MLLT6: variants seen among roughly 807,000 people sequenced by gnomAD.
The protein encoded by MLLT6 is protein AF-17.
A neutral mutation model predicts 103.0 loss-of-function variants in MLLT6; 22 were observed. The observed-to-expected ratio is 0.21, with a 90% CI of 0.15 to 0.31. The LOEUF is 0.31. Among genes scored for constraint, MLLT6 ranks in the 10% least tolerant of loss-of-function variants. The pLI is 1.00. For synonymous variants in MLLT6, 606 were observed against 623.5 expected (o/e 0.97, Z 0.42); for missense variants, 1,199 against 1,441.7 (o/e 0.83, Z 2.73).
chr17:38,727,128 G>GT lies in MLLT6; in HGVS notation c.*1532dup. ...GTGTGTTTCTGTTTGGGTTTTTGTT[G>GT]TTGGGTTTTTTTTTTTTTTTTAATA... On this transcript the variant is annotated 3_prime_UTR_variant, in exon 20 of 20. Coordinates refer to ENST00000621332, the MANE Select transcript of MLLT6 (RefSeq NM_005937.4). The GT allele has an allele frequency of 4.5e-6, 1 of 223,952 alleles. No individual in the cohort carries two copies. Among genetic ancestry groups the GT allele is most frequent in the Non-Finnish European group, 8.7e-6 (1 of 114,934 alleles). 13.9% of individuals were successfully genotyped at this position (223,952 alleles called of 1,614,324 possible). A position where few individuals can be genotyped will look rare whatever the true frequency, so the allele number is the denominator to read the frequency against.
Position 38,706,924 on chromosome 17 carries a change from TCAGCGA to T in MLLT6, c.110-24_110-19del. On this transcript the variant is annotated intron_variant, in intron 1 of 19. Coordinates refer to ENST00000621332, the MANE Select transcript of MLLT6 (RefSeq NM_005937.4). ...AAAAGCCACTGGCTGACAGCTTTGC[TCAGCGA>T]CTGTCCTCCCCACCCTCAGCTTGCT... The T allele has an allele frequency of 6.3e-7, 1 of 1,590,142 alleles. No homozygotes were observed. The highest frequency in any genetic ancestry group is 1.3e-5 in the African/African-American group (1 of 74,486).
Position 38,709,637 on chromosome 17 carries a change from A to C in MLLT6, c.552+62A>C. On this transcript the variant is annotated intron_variant, in intron 6 of 19. Coordinates refer to ENST00000621332, the MANE Select transcript of MLLT6 (RefSeq NM_005937.4). The surrounding 1 kb of genome is among the most constrained non-coding windows in gnomAD (Gnocchi z 4.3). ...AGCTGTGGTAAGATGGTTAGAGGGC[A>C]TGGGCTCTGGGCCAGGCCAGTGCCT... 1 of 1,358,942 alleles carries C rather than the reference A, an allele frequency of 7.4e-7. No homozygotes were observed. The highest frequency in any genetic ancestry group is 1.0e-6 in the Non-Finnish European group (1 of 952,568). The allele number at this position is 1,358,942 out of a possible 1,614,324, so 84.2% of individuals were successfully genotyped here.
chr17:38,705,562 TCCCTCCCC>T lies in MLLT6; in HGVS notation c.-68_-61del. On this transcript the variant is annotated 5_prime_UTR_variant, in exon 1 of 20. An upstream open reading frame in the 5' UTR gains an earlier in-frame stop. Transcript: ENST00000621332. ...AGGAGGCGCGCGGCCCCCCGCTCCC[TCCCTCCCC>T]CCTGACCCCCGACCCCCGCCGGCCG... 2.5e-6 allele frequency: 1 copy of T among 404,186 alleles called. No homozygotes were observed. Among genetic ancestry groups the T allele is most frequent in the South Asian group, 3.1e-5 (1 of 32,678 alleles). The allele number at this position is 404,186 out of a possible 1,614,324, so 25.0% of individuals were successfully genotyped here. A position where few individuals can be genotyped will look rare whatever the true frequency, so the allele number is the denominator to read the frequency against.
Position 38,720,267 on chromosome 17 carries a change from C to A in MLLT6, c.2156-105C>A, listed in dbSNP as rs568793635. 2.0e-5 allele frequency: 23 copies of A among 1,172,332 alleles called. No individual in the cohort carries two copies. In the African/African-American group the frequency reaches 3.4e-4, roughly 17 times the overall value. 72.6% of individuals were successfully genotyped at this position (1,172,332 alleles called of 1,614,324 possible). On this transcript the variant is annotated intron_variant, in intron 14 of 19. Coordinates refer to ENST00000621332, the MANE Select transcript of MLLT6 (RefSeq NM_005937.4). ...GTGTCCCTCCTTAGGATGGCGCCGC[C>A]TTTTCAAGGGCTGAGCACTGGCTCC...
At position 38,709,937 on chromosome 17, in the gene MLLT6, C is replaced by T. The variant is rs1822313520; in HGVS notation, c.552+362C>T. Among the ~76,000 whole-genome samples, 1 of 152,180 alleles carries T rather than the reference C, an allele frequency of 6.6e-6. No individual in the cohort carries two copies. On this transcript the variant is annotated intron_variant, in intron 6 of 19. Coordinates refer to ENST00000621332, the MANE Select transcript of MLLT6 (RefSeq NM_005937.4). This position sits in a 1 kb window ranked among gnomAD's most constrained non-coding sequence, Gnocchi z 4.3. ...CCTCCGCCTTAGGACAAAGTTCCTG[C>T]CATGTGTTATTTTGTGTGGTCCCCC...
At chr17:38,720,984 C>T (rs1905700654) in intron 16 of MLLT6, 2 of 581,514 alleles carry the variant, frequency 3.4e-6, no homozygotes, top group South Asian at 2.1e-5. Flanking sequence ...GATAGGCTAC[C>T]CCAAGCAAAG....
rs867627274 is a variant in MLLT6 at position 38,712,609 on chromosome 17, C to T, written c.721-82C>T. ...CAAAACCCCATCCCTAAGGGGGTGT[C>T]AGCTCCCCATACCCACATGTCATGT... On this transcript the variant is annotated intron_variant, in intron 7 of 19. Coordinates refer to ENST00000621332, the MANE Select transcript of MLLT6 (RefSeq NM_005937.4). 8 of 896,096 alleles carry T rather than the reference C, an allele frequency of 8.9e-6. No individual in the cohort carries two copies. The Middle Eastern group carries it at 1.5e-3, about 174-fold the overall frequency. 55.5% of individuals were successfully genotyped at this position (896,096 alleles called of 1,614,324 possible).
At chr17:38,718,067 C>G in intron 12 of MLLT6, 114 bp downstream of exon 12, 1 of 728,548 alleles carries the variant, frequency 1.4e-6, no homozygotes, top group Non-Finnish European at 2.3e-6. Context: ...TCCCTCTGGC[C>G]ATTGCCCTCC....
chr17:38,713,097 C>A (rs1225096087), intron 8 of MLLT6: 1 of 744,126 alleles, frequency 1.3e-6, no homozygotes, highest in African/African-American at 1.7e-5. Context: ...CTCAGGCCTG[C>A]TCTCCAAGTT....
Position 38,724,685 on chromosome 17 carries a change from G to A in MLLT6, c.2949G>A (p.Leu983=), listed in dbSNP as rs199587139. 2.4e-5 allele frequency: 39 copies of A among 1,612,898 alleles called. 1 individual carries two copies. The Admixed American group carries it at 5.0e-4, about 21-fold the overall frequency. ...QIQQKRELQR[L]QMAGGSQLPM... ...AGCAGAAACGGGAGCTGCAGCGCCTGCAGATGGCTGGGGGCTCCCAGCTGC... is the reference window on the plus strand; with the variant it reads ...AGCAGAAACGGGAGCTGCAGCGCCTACAGATGGCTGGGGGCTCCCAGCTGC... Residue 983 remains leucine, a synonymous_variant, in exon 19 of 20, where the codon CTG becomes CTA. Transcript: ENST00000621332. This position sits in a 1 kb window ranked among gnomAD's most constrained non-coding sequence, Gnocchi z 5.4.
At chr17:38,711,791 C>T (rs1440372068) in intron 6 of MLLT6, 56 bp from the exon 7 acceptor site, 15 of 1,455,502 alleles carry the variant, frequency 1.0e-5, no homozygotes, top group East Asian at 2.5e-5. Flanking sequence ...CTTCTGGAAG[C>T]GTTCCCTAAG....
Position 38,705,285 on chromosome 17 carries a change from C to T in MLLT6, c.-348C>T, listed in dbSNP as rs1256333388. Among the ~76,000 whole-genome samples the T allele has an allele frequency of 6.9e-6, 1 of 144,116 alleles. No individual in the cohort carries two copies. The highest frequency in any genetic ancestry group is 1.5e-5 in the Non-Finnish European group (1 of 65,048). The allele number at this position is 144,116 out of a possible 152,430, so 94.5% of individuals were successfully genotyped here. A position where few individuals can be genotyped will look rare whatever the true frequency, so the allele number is the denominator to read the frequency against. On this transcript the variant is annotated 5_prime_UTR_variant, in exon 1 of 20. Coordinates refer to ENST00000621332, the MANE Select transcript of MLLT6 (RefSeq NM_005937.4). Reference sequence around the variant, plus strand: ...GCGCCCGCGATGTGCCACTCGGCGCCTCCCCCGCCGGGCTCGGGCTACGCG... The same window carrying T: ...GCGCCCGCGATGTGCCACTCGGCGCTTCCCCCGCCGGGCTCGGGCTACGCG...
rs1904855672 is a variant in MLLT6, at chr17:38,705,398, G to A, written c.-235G>A. ...CTCATTGTTGTGGGGGGGGCCCGTC[G>A]GGGCATGAGGGCGAGAGCACGGCGG... is the stretch of plus-strand genomic sequence containing the variant. On this transcript the variant is annotated 5_prime_UTR_variant, in exon 1 of 20. Transcript: ENST00000621332. The A allele has an allele frequency of 3.2e-6, 1 of 314,046 alleles. No individual in the cohort carries two copies. Among genetic ancestry groups the A allele is most frequent in the Non-Finnish European group, 6.0e-6 (1 of 167,792 alleles). The allele number at this position is 314,046 out of a possible 1,614,324, so 19.5% of individuals were successfully genotyped here. A position where few individuals can be genotyped will look rare whatever the true frequency, so the allele number is the denominator to read the frequency against.
Position 38,729,339 on chromosome 17 carries a change from GC to G in MLLT6, c.*3742del. The G allele has an allele frequency of 4.3e-6, 1 of 233,260 alleles. No homozygotes were observed. Among genetic ancestry groups the G allele is most frequent in the Admixed American group, 5.6e-5 (1 of 17,800 alleles). 14.4% of individuals were successfully genotyped at this position (233,260 alleles called of 1,614,324 possible). ...CAAGGAAGGTGGGCAAGTAGCCTTG[GC>G]TCTCTCCCACCATGTCCATCAGGAT... On this transcript the variant is annotated 3_prime_UTR_variant, in exon 20 of 20. Transcript: ENST00000621332.
rs1906057132 is a variant in MLLT6, at chr17:38,726,799, T to C, written c.*1201T>C. 1.7e-5 allele frequency: 4 copies of C among 233,558 alleles called. No homozygotes were observed. The South Asian group carries it at 5.4e-4, about 32-fold the overall frequency. 14.5% of individuals were successfully genotyped at this position (233,558 alleles called of 1,614,324 possible). A position where few individuals can be genotyped will look rare whatever the true frequency, so the allele number is the denominator to read the frequency against. Reference sequence around the variant, plus strand: ...TTAGCAAAAGCCTCCCTCCCAGAATTAGCCAGCTTGCCTCCTGCACCCCAC... The same window carrying C: ...TTAGCAAAAGCCTCCCTCCCAGAATCAGCCAGCTTGCCTCCTGCACCCCAC... On this transcript the variant is annotated 3_prime_UTR_variant, in exon 20 of 20. Coordinates refer to ENST00000621332, the MANE Select transcript of MLLT6 (RefSeq NM_005937.4).
In MLLT6 at chr17:38,709,766, G is replaced by A. The variant is rs1905081004; in HGVS notation, c.552+191G>A. Among the ~76,000 whole-genome samples, 1 of 152,188 alleles carries A rather than the reference G, an allele frequency of 6.6e-6. No individual in the cohort carries two copies. The highest frequency in any genetic ancestry group is 2.1e-4 in the South Asian group (1 of 4,832). Reference sequence around the variant, plus strand: ...GCTTCAGGTGTGTGGATCAGAGCTAGACCAAGCAGTCTGTCCCAAAAGACA... The same window carrying A: ...GCTTCAGGTGTGTGGATCAGAGCTAAACCAAGCAGTCTGTCCCAAAAGACA... On this transcript the variant is annotated intron_variant, in intron 6 of 19. Coordinates refer to ENST00000621332, the MANE Select transcript of MLLT6 (RefSeq NM_005937.4). This position sits in a 1 kb window ranked among gnomAD's most constrained non-coding sequence, Gnocchi z 4.3.
intron 8 of MLLT6, chr17:38,713,182 C>T: frequency 1.6e-6 from 1 of 620,356 alleles, no homozygotes; most frequent in Admixed American, 2.4e-5. Context: ...AAGCTTGTCA[C>T]CCAACCCAAA....
chr17:38,717,985 C>T (rs1368698004), intron 12 of MLLT6, 32 bp downstream of exon 12: 6 of 1,482,932 alleles, frequency 4.0e-6, no homozygotes, highest in Non-Finnish European at 5.6e-6. Context: ...TCTCCCCTTT[C>T]TTCCCAAAGG....
rs766366321 is a variant in MLLT6, at chr17:38,719,781, G to T, written c.2041G>T (p.Asp681Tyr). The T allele has an allele frequency of 3.3e-5, 53 of 1,613,206 alleles. No homozygotes were observed. The highest frequency in any genetic ancestry group is 4.3e-5 in the Non-Finnish European group (51 of 1,179,810). ...CATCAGCAGCCTCCCCGCACTCTTCGACCAGACAGCCTCTGCACCCTGTGG... is the reference window on the plus strand; with the variant it reads ...CATCAGCAGCCTCCCCGCACTCTTCTACCAGACAGCCTCTGCACCCTGTGG... Reference protein sequence around the residue: ...SPISSLPALFDQTASAPCGGG... With the variant: ...SPISSLPALFYQTASAPCGGG... Residue 681 changes from aspartate (D) to tyrosine (Y), a missense_variant, in exon 14 of 20, where the codon GAC (aspartate) becomes TAC (tyrosine). Around this residue, in one of 7 missense-constraint regions of MLLT6, gnomAD observed 1,034 missense variants for 1,091.5 expected, o/e 0.95. Transcript: ENST00000621332.
Sources: allele counts gnomAD v4.1 joint callset (sites outside exome capture counted in the v4.1 genomes callset), GRCh38; gene constraint gnomAD v4.1.1; regional missense constraint gnomAD v4.1.1; non-coding constraint Gnocchi (gnomAD v3.1); transcripts MANE v1.5; gene names NCBI Gene and HGNC (gene_info 2026-07-23, HGNC 2026-07-21).